The following TENM2 variants were observed in gnomAD, a reference collection of about 807,000 sequenced individuals.
TENM2 encodes the protein teneurin transmembrane protein 2, also known as teneurin-2.
TENM2 carries 52 observed loss-of-function variants against 245.2 expected under a neutral mutation model. The ratio of observed to expected loss-of-function variants is 0.21; its 90% confidence interval spans 0.17 to 0.27. The LOEUF is 0.27. Among genes scored for constraint, TENM2 ranks in the 10% least tolerant of loss-of-function variants. The probability of loss-of-function intolerance (pLI) is 1.00; values close to 1 mark genes in which losing one functional copy is unlikely to be tolerated. For synonymous variants in TENM2, 1,363 were observed against 1,438.9 expected, an observed-to-expected ratio of 0.95 and a Z score of 1.19; for missense variants, 3,046 against 3,666.8, an observed-to-expected ratio of 0.83 and a Z score of 4.37.
chr5:167,149,266 C>G, the TENM2 span, among the ~76,000 whole-genome samples: 4 of 151,706 alleles, frequency 2.6e-5, no homozygotes, highest in African/African-American at 9.7e-5. Flanking sequence ...CTGTCCTGTT[C>G]ACTTATGTAT....
chr5:167,760,777 C>T (rs1762611133), intron 2 of TENM2, among the ~76,000 whole-genome samples: 1 of 152,192 alleles, frequency 6.6e-6, no homozygotes, highest in African/African-American at 2.4e-5. Context: ...CCTCAGCCTC[C>T]TGAGGAGCAG....
chr5:167,818,116 G>A (rs963556516), intron 2 of TENM2, among the ~76,000 whole-genome samples: 1 of 152,118 alleles, frequency 6.6e-6, no homozygotes, highest in Non-Finnish European at 1.5e-5. Context: ...TCAACAGAAA[G>A]GTGTTCAGTT....
the TENM2 span, among the ~76,000 whole-genome samples, chr5:167,008,391 C>T: frequency 1.1e-3 from 167 of 152,248 alleles, no homozygotes; most frequent in African/African-American, 3.9e-3. Flanking sequence ...CTCCTTCCAG[C>T]GGTGGATGAA....
rs558361317 is a variant in TENM2 at position 168,247,555 on chromosome 5, G to C, written c.6616G>C (p.Asp2206His). ...TACCACGAAGTACACCTATGACTAC[G>C]ATGGGGACGGGCAGCTCCAGAGCGT... Residue 2206 changes from aspartate to histidine, a missense_variant, in exon 27 of 29, where the codon GAT becomes CAT. Transcript: ENST00000518659. The surrounding 1 kb of genome is among the most constrained non-coding windows in gnomAD (Gnocchi z 7.8). The C allele has an allele frequency of 6.2e-7, 1 of 1,612,912 alleles. No individual in the cohort carries two copies. Among genetic ancestry groups the C allele is most frequent in the South Asian group, 1.1e-5 (1 of 91,054 alleles).
chr5:167,463,915 G>A (rs1430388527), intron 2 of TENM2, among the ~76,000 whole-genome samples: 1 of 152,186 alleles, frequency 6.6e-6, no homozygotes, highest in Non-Finnish European at 1.5e-5. Context: ...AAAATTTGAA[G>A]TTTGAATTTA....
chr5:167,223,422 A>G, the TENM2 span, among the ~76,000 whole-genome samples: 77 of 152,112 alleles, frequency 5.1e-4, no homozygotes, highest in Non-Finnish European at 8.7e-4. Context: ...GCTCCCACAT[A>G]TGAGCGGGAA....
At chr5:167,789,491 C>T (rs1000902158) in intron 2 of TENM2, among the ~76,000 whole-genome samples, 5 of 152,206 alleles carry the variant, frequency 3.3e-5, no homozygotes, top group East Asian at 3.8e-4. Context: ...TTCTCTGGAT[C>T]GCCCAGCCAA....
chr5:167,602,507 G>T (rs1273509328), intron 2 of TENM2, among the ~76,000 whole-genome samples: 3 of 152,112 alleles, frequency 2.0e-5, no homozygotes, highest in African/African-American at 7.2e-5. Flanking sequence ...GAGTGTTTTT[G>T]GTCACGGTTA....
the TENM2 span, among the ~76,000 whole-genome samples, chr5:167,238,249 A>G: frequency 6.6e-6 from 1 of 152,136 alleles, no homozygotes; most frequent in African/African-American, 2.4e-5. Flanking sequence ...TTAACATTAA[A>G]TGATAAACAT....
At chr5:167,196,845 A>G in the TENM2 span, among the ~76,000 whole-genome samples, 5 of 152,098 alleles carry the variant, frequency 3.3e-5, no homozygotes, top group African/African-American at 1.2e-4. Context: ...AATACCATGC[A>G]ATTTTATGTA....
At chr5:166,999,403 G>A in the TENM2 span, among the ~76,000 whole-genome samples, 29 of 152,298 alleles carry the variant, frequency 1.9e-4, no homozygotes, top group African/African-American at 6.0e-4. Context: ...GAACCACATC[G>A]AAAAGTAGTG....
At chr5:167,654,696 T>C (rs1251683710) in intron 2 of TENM2, among the ~76,000 whole-genome samples, 1 of 152,126 alleles carries the variant, frequency 6.6e-6, no homozygotes, top group Non-Finnish European at 1.5e-5. Context: ...TAAATCCCAT[T>C]TCCCAGCAAG....
chr5:167,089,713 A>G, the TENM2 span, among the ~76,000 whole-genome samples: 5 of 152,208 alleles, frequency 3.3e-5, no homozygotes, highest in African/African-American at 1.2e-4. Context: ...ATTATCAAGC[A>G]TCAGGAATTA....
exon 27 of TENM2, chr5:168,246,910 G>A: frequency 6.2e-7 from 1 of 1,613,980 alleles, no homozygotes; most frequent in Non-Finnish European, 8.5e-7. Flanking sequence ...CAACCCGCCT[G>A]AAAGCAATGC....
At chr5:168,225,116 T>G (rs1764038765) in intron 23 of TENM2, among the ~76,000 whole-genome samples, 1 of 152,108 alleles carries the variant, frequency 6.6e-6, no homozygotes, top group Non-Finnish European at 1.5e-5. Flanking sequence ...CAACTGCTGA[T>G]GGTAAGGGAG....
At chr5:167,484,642 C>T (rs939236763) in intron 2 of TENM2, among the ~76,000 whole-genome samples, 4 of 152,248 alleles carry the variant, frequency 2.6e-5, no homozygotes, top group South Asian at 4.1e-4. Flanking sequence ...AAAGGAAGTT[C>T]GTACAGTGTC....
the TENM2 span, among the ~76,000 whole-genome samples, chr5:167,159,770 C>T: frequency 6.6e-6 from 1 of 152,144 alleles, no homozygotes. Context: ...TTTGGATAGA[C>T]AAGCACACTT....
the TENM2 span, among the ~76,000 whole-genome samples, chr5:167,072,375 G>T: frequency 6.6e-6 from 1 of 152,202 alleles, no homozygotes; most frequent in African/African-American, 2.4e-5. Flanking sequence ...ATGTCTGGGT[G>T]TAGCTTAGTT....
At chr5:167,096,219 A>T in the TENM2 span, among the ~76,000 whole-genome samples, 915 of 152,326 alleles carry the variant, frequency 6.0e-3, 2 homozygotes, top group Non-Finnish European at 0.01. Context: ...AATCAAGCTG[A>T]TACTACATCT....
Sources: allele counts gnomAD v4.1 joint callset (sites outside exome capture counted in the v4.1 genomes callset), GRCh38; gene constraint gnomAD v4.1.1; non-coding constraint Gnocchi (gnomAD v3.1); transcripts MANE v1.5; gene names NCBI Gene and HGNC (gene_info 2026-07-23, HGNC 2026-07-21).